PRELID2: variants seen among roughly 807,000 people sequenced by gnomAD.
PRELID2 encodes PRELI domain containing 2, also known as PRELI domain-containing protein 2.
Under a neutral mutation model 28.4 loss-of-function variants are expected in PRELID2, and 25 were observed. The ratio of observed to expected loss-of-function variants is 0.88; its 90% CI spans 0.64 to 1.23. PRELID2 has a LOEUF of 1.23. Among genes scored for constraint, PRELID2 ranks in the 50% most tolerant of loss-of-function variants. PRELID2 has a pLI of 0.00. For missense variants in PRELID2, 201 were observed against 214.4 expected, an observed-to-expected ratio of 0.94 and a Z score of 0.39; for synonymous variants, 76 against 71.6, an observed-to-expected ratio of 1.06 and a Z score of -0.31.
the PRELID2 span, among the ~76,000 whole-genome samples, chr5:145,366,183 T>A: frequency 6.5e-3 from 988 of 151,982 alleles, 10 homozygotes; most frequent in African/African-American, 0.022. Context: ...GACAAGGTTT[T>A]GGTGATGTTC....
At chr5:145,288,117 T>G in the PRELID2 span, among the ~76,000 whole-genome samples, 2 of 152,082 alleles carry the variant, frequency 1.3e-5, no homozygotes, top group Non-Finnish European at 2.9e-5. Context: ...TGAGGTACTA[T>G]TAGTTTCCTA....
chr5:145,439,522 T>C, the PRELID2 span, among the ~76,000 whole-genome samples: 2 of 152,132 alleles, frequency 1.3e-5, no homozygotes, highest in Non-Finnish European at 2.9e-5. Flanking sequence ...CTATCATCTT[T>C]AAAATCAGCA....
intron 1 of PRELID2, among the ~76,000 whole-genome samples, chr5:145,552,858 T>A (rs976814093): frequency 1.3e-5 from 2 of 152,212 alleles, no homozygotes; most frequent in East Asian, 3.9e-4. Flanking sequence ...TGAAAACACC[T>A]GCTCATAGCA....
intron 5 of PRELID2, among the ~76,000 whole-genome samples, chr5:145,774,466 C>T (rs1400246598): frequency 6.6e-6 from 1 of 152,208 alleles, no homozygotes; most frequent in Non-Finnish European, 1.5e-5. Flanking sequence ...ACACAACAGA[C>T]TTTTGTTAAC....
chr5:145,640,588 G>C (rs1581020347), intron 1 of PRELID2, among the ~76,000 whole-genome samples: 1 of 149,568 alleles, frequency 6.7e-6, no homozygotes, highest in African/African-American at 2.5e-5. Flanking sequence ...AGCTTGCAGT[G>C]ATCCGAGATC....
intron 1 of PRELID2, among the ~76,000 whole-genome samples, chr5:145,521,521 T>A (rs1300716535): frequency 1.3e-5 from 2 of 151,990 alleles, no homozygotes; most frequent in Middle Eastern, 3.2e-3. Context: ...AAATGAGTCG[T>A]TTTTAAAATC....
the PRELID2 span, among the ~76,000 whole-genome samples, chr5:145,427,079 A>T: frequency 2.6e-5 from 4 of 152,242 alleles, no homozygotes; most frequent in African/African-American, 9.6e-5. Flanking sequence ...CTTGTACCCC[A>T]TAGACTCTTT....
At chr5:145,771,023 T>C (rs62392329) in intron 5 of PRELID2, among the ~76,000 whole-genome samples, 8 of 152,192 alleles carry the variant, frequency 5.3e-5, no homozygotes, top group African/African-American at 1.9e-4. Flanking sequence ...TCCAGTAAAG[T>C]CCCATGCCTT....
intron 1 of PRELID2, among the ~76,000 whole-genome samples, chr5:145,733,784 C>T (rs982557909): frequency 6.6e-6 from 1 of 152,148 alleles, no homozygotes; most frequent in African/African-American, 2.4e-5. Flanking sequence ...GAATAGTGGT[C>T]CCTGAAAGAT....
chr5:145,425,949 C>CT, the PRELID2 span, among the ~76,000 whole-genome samples: 3 of 152,136 alleles, frequency 2.0e-5, no homozygotes, highest in East Asian at 3.9e-4. Flanking sequence ...CACAAGGCAC[C>CT]TGCCTGGGAG....
chr5:145,415,791 T>A, the PRELID2 span, among the ~76,000 whole-genome samples: 1 of 152,050 alleles, frequency 6.6e-6, no homozygotes, highest in South Asian at 2.1e-4. Context: ...TTTGGGTATA[T>A]ACCCACTAAT....
At chr5:145,819,478 A>C in intron 3 of PRELID2, 1 of 1,018,314 alleles carries the variant, frequency 9.8e-7, no homozygotes, top group African/African-American at 1.6e-5. Context: ...TACTTTAGAG[A>C]AATACACATA....
chr5:145,637,764 CAAAGTCTTAATGTT>C (rs1038363571), intron 1 of PRELID2, among the ~76,000 whole-genome samples: 1 of 150,824 alleles, frequency 6.6e-6, no homozygotes, highest in Admixed American at 6.6e-5. Context: ...ACCACTTTTT[CAAAGTCTTAATGTT>C]AATGTCACAG....
At chr5:145,386,739 C>A in the PRELID2 span, among the ~76,000 whole-genome samples, 1 of 152,310 alleles carries the variant, frequency 6.6e-6, no homozygotes, top group African/African-American at 2.4e-5. Context: ...TTAATAATAT[C>A]TCTCTTACAC....
chr5:145,704,534 G>A (rs1755489637), intron 1 of PRELID2, among the ~76,000 whole-genome samples: 2 of 152,106 alleles, frequency 1.3e-5, no homozygotes, highest in African/African-American at 4.8e-5. Flanking sequence ...GTGTTACTAA[G>A]GTTTAATTTC....
chr5:145,724,600 AAT>A (rs59677300), intron 1 of PRELID2, among the ~76,000 whole-genome samples: 399 of 24,612 alleles, frequency 0.016, 4 homozygotes, highest in African/African-American at 0.018. Flanking sequence ...GAAGTAAATA[AAT>A]ATATATATAT....
intron 1 of PRELID2, among the ~76,000 whole-genome samples, chr5:145,625,442 T>A (rs922418867): frequency 6.6e-6 from 1 of 152,166 alleles, no homozygotes; most frequent in Non-Finnish European, 1.5e-5. Flanking sequence ...AACAAAATAA[T>A]GAATTAAAAA....
the PRELID2 span, among the ~76,000 whole-genome samples, chr5:145,399,792 G>A: frequency 6.6e-6 from 1 of 152,118 alleles, no homozygotes; most frequent in Non-Finnish European, 1.5e-5. Flanking sequence ...CATGGCAGAA[G>A]GCAAGGAGGA....
intron 1 of PRELID2, among the ~76,000 whole-genome samples, chr5:145,528,304 A>G (rs2126657986): frequency 6.6e-6 from 1 of 152,260 alleles, no homozygotes; most frequent in East Asian, 1.9e-4. Context: ...TGCTCTTCGT[A>G]GTATCCTCAG....
Sources: allele counts gnomAD v4.1 joint callset (sites outside exome capture counted in the v4.1 genomes callset), GRCh38; gene constraint gnomAD v4.1.1; transcripts MANE v1.5; gene names NCBI Gene and HGNC (gene_info 2026-07-23, HGNC 2026-07-21).